Variants in SLC35F2 observed in about 807,000 individuals in gnomAD.
SLC35F2 encodes queuine/queuosine transporter SLC35F2.
SLC35F2 carries 25 observed loss-of-function variants against 38.1 expected under a neutral mutation model. That is an observed-to-expected ratio of 0.66 (90% confidence interval 0.48 to 0.92). The LOEUF is 0.92. SLC35F2 is among the 40% of genes least tolerant of loss of function. SLC35F2 has a pLI of 0.00. For synonymous variants in SLC35F2, 173 were observed against 181.7 expected (o/e 0.95, Z 0.38); for missense variants, 409 against 452.9 (o/e 0.90, Z 0.88).
intron 2 of SLC35F2, among the ~76,000 whole-genome samples, chr11:107,812,824 T>A (rs1420962351): frequency 1.3e-5 from 2 of 152,224 alleles, no homozygotes; most frequent in African/African-American, 4.8e-5. Flanking sequence ...TAATTGGTTA[T>A]TTAACTTCTA....
intron 7 of SLC35F2, 52 bp downstream of exon 7, chr11:107,802,949 G>A (rs371301650): frequency 2.5e-4 from 369 of 1,505,924 alleles, no homozygotes; most frequent in Non-Finnish European, 3.2e-4. Flanking sequence ...AACCTGCTAC[G>A]TTTTTTGGAT....
At chr11:107,800,168 A>G (rs1003679808) in intron 7 of SLC35F2, among the ~76,000 whole-genome samples, 10 of 151,902 alleles carry the variant, frequency 6.6e-5, no homozygotes, top group South Asian at 2.1e-4. Flanking sequence ...GATTACAGGT[A>G]TGAGCCACTG....
chr11:107,842,840 C>T (rs1356190537), intron 1 of SLC35F2, among the ~76,000 whole-genome samples: 2 of 152,136 alleles, frequency 1.3e-5, no homozygotes, highest in Non-Finnish European at 2.9e-5. Flanking sequence ...TACACATGAT[C>T]AACAGGAGAT....
intron 7 of SLC35F2, among the ~76,000 whole-genome samples, chr11:107,796,590 T>C (rs1859220138): frequency 6.6e-6 from 1 of 152,112 alleles, no homozygotes; most frequent in South Asian, 2.1e-4. Flanking sequence ...CTTGTGGAGG[T>C]AGAGCATAGA....
chr11:107,842,966 T>A (rs1860034861), intron 1 of SLC35F2, among the ~76,000 whole-genome samples: 1 of 152,172 alleles, frequency 6.6e-6, no homozygotes, highest in Admixed American at 6.5e-5. Flanking sequence ...GAAAGAATAT[T>A]ACAAAGAGTC....
intron 1 of SLC35F2, among the ~76,000 whole-genome samples, chr11:107,834,535 A>G (rs1454278952): frequency 6.6e-6 from 1 of 152,114 alleles, no homozygotes; most frequent in Non-Finnish European, 1.5e-5. Flanking sequence ...CTGTAAACCC[A>G]GCTACTTGGG....
intron 7 of SLC35F2, among the ~76,000 whole-genome samples, chr11:107,794,203 C>A (rs1859182082): frequency 6.6e-6 from 1 of 151,830 alleles, no homozygotes; most frequent in Non-Finnish European, 1.5e-5. Flanking sequence ...GCCTCAGCCT[C>A]CCGAGTAGCT....
chr11:107,821,817 C>T (rs1859676610), intron 1 of SLC35F2, among the ~76,000 whole-genome samples: 1 of 152,164 alleles, frequency 6.6e-6, no homozygotes, highest in Admixed American at 6.5e-5. Flanking sequence ...GGCCAGGCTA[C>T]CAGAATACAC....
intron 1 of SLC35F2, among the ~76,000 whole-genome samples, chr11:107,842,287 T>TAAAAAAAAAAAAAAAAAAAAAA (rs1292690214): frequency 2.8e-5 from 2 of 71,252 alleles, no homozygotes; most frequent in African/African-American, 5.2e-5. Context: ...AAAAAAAAAT[T>TAAAAAAAAAAAAAAAAAAAAAA]AAAGCTTGAC....
At chr11:107,845,952 T>TAAATAAAG in intron 1 of SLC35F2, among the ~76,000 whole-genome samples, 1 of 144,802 alleles carries the variant, frequency 6.9e-6, no homozygotes, top group Admixed American at 6.8e-5. Flanking sequence ...GATTCTGTCA[T>TAAATAAAG]AAATAAATAA....
chr11:107,809,109 C>T (rs746491541), intron 3 of SLC35F2, among the ~76,000 whole-genome samples: 1 of 152,124 alleles, frequency 6.6e-6, no homozygotes, highest in Non-Finnish European at 1.5e-5. Flanking sequence ...AATGATCACA[C>T]AGTTTCCCTC....
chr11:107,827,616 G>C (rs1382027156), intron 1 of SLC35F2, among the ~76,000 whole-genome samples: 1 of 152,144 alleles, frequency 6.6e-6, no homozygotes, highest in East Asian at 1.9e-4. Context: ...GGGCATGGTG[G>C]CATGCACCTG....
chr11:107,850,620 G>A (rs1193947158), intron 1 of SLC35F2, among the ~76,000 whole-genome samples: 2 of 151,930 alleles, frequency 1.3e-5, no homozygotes, highest in Non-Finnish European at 2.9e-5. Context: ...CCAGGAGTTC[G>A]AGACCAGCCT....
At chr11:107,803,587 A>G in intron 6 of SLC35F2, 1 of 792,604 alleles carries the variant, frequency 1.3e-6, no homozygotes, top group Non-Finnish European at 1.5e-6. Context: ...TTGGATTCAG[A>G]ATAAAGTATC....
intron 4 of SLC35F2, among the ~76,000 whole-genome samples, chr11:107,806,232 C>CA (rs1859387395): frequency 6.6e-6 from 1 of 152,216 alleles, no homozygotes; most frequent in Non-Finnish European, 1.5e-5. Context: ...GATTCCATGA[C>CA]ATGACAAATT....
At chr11:107,797,419 G>C (rs1025245710) in intron 7 of SLC35F2, among the ~76,000 whole-genome samples, 4 of 152,076 alleles carry the variant, frequency 2.6e-5, no homozygotes, top group Non-Finnish European at 4.4e-5. Context: ...TTGGCACAGT[G>C]GTAGGCACCT....
chr11:107,831,046 A>T (rs1364853047), intron 1 of SLC35F2, among the ~76,000 whole-genome samples: 2 of 152,234 alleles, frequency 1.3e-5, no homozygotes, highest in Non-Finnish European at 2.9e-5. Flanking sequence ...AGACAGAAAC[A>T]GTGTCATATT....
At position 107,842,065 on chromosome 11, in the gene SLC35F2, C is replaced by CA. The variant is rs200329433; in HGVS notation, c.110+16592dup. ...TAGGTGAAAGAACAAGACTTCGTCT[C>CA]AAAAAAAAAGAAAAATAAAGAAAAA... On this transcript the variant is annotated intron_variant, in intron 1 of 7. Transcript: ENST00000525815. Among the ~76,000 whole-genome samples, 1,044 of 140,202 alleles carry CA rather than the reference C, an allele frequency of 7.4e-3. 4 individuals are homozygous for CA. Among genetic ancestry groups the CA allele is most frequent in the African/African-American group, 0.017 (660 of 37,974 alleles). 92.0% of individuals were successfully genotyped at this position (140,202 alleles called of 152,430 possible). A position where few individuals can be genotyped will look rare whatever the true frequency, so the allele number is the denominator to read the frequency against.
At chr11:107,848,765 G>T (rs562083060) in intron 1 of SLC35F2, among the ~76,000 whole-genome samples, 1 of 152,054 alleles carries the variant, frequency 6.6e-6, no homozygotes. Context: ...CACCCTGGTG[G>T]GTGCCAGAGG....
Sources: gnomAD v4.1 joint callset for allele counts (sites outside exome capture counted in the v4.1 genomes callset) on GRCh38, gnomAD v4.1.1 for gene constraint, MANE v1.5 for transcripts, NCBI Gene and HGNC (gene_info 2026-07-23, HGNC 2026-07-21) for gene names.